GRM8: variants seen among roughly 807,000 people sequenced by gnomAD.
GRM8 encodes the protein glutamate metabotropic receptor 8, also known as metabotropic glutamate receptor 8.
A neutral mutation model predicts 87.2 loss-of-function variants in GRM8; 47 were observed. The observed-to-expected ratio is 0.54, with a 90% confidence interval of 0.43 to 0.69. GRM8 has a LOEUF of 0.69. Among genes scored for constraint, GRM8 ranks in the 30% least tolerant of loss-of-function variants. The pLI is 0.00. For synonymous variants in GRM8, 396 were observed against 404.5 expected (o/e 0.98, Z 0.25); for missense variants, 1,019 against 1,139.2 (o/e 0.89, Z 1.52).
chr7:126,579,963 T>G (rs1472285183), intron 8 of GRM8, among the ~76,000 whole-genome samples: 1 of 152,062 alleles, frequency 6.6e-6, no homozygotes, highest in Non-Finnish European at 1.5e-5. Context: ...AATCAGGATA[T>G]TTGGTAAAAA....
chr7:126,745,392 A>ATATATCATATTATATTATATTATAT (rs1815528801), intron 7 of GRM8, among the ~76,000 whole-genome samples: 1 of 146,176 alleles, frequency 6.8e-6, no homozygotes. Flanking sequence ...AGACATAGTC[A>ATATATCATATTATATTATATTATAT]TATATTATAT....
chr7:127,017,389 A>G (rs1271548210), intron 3 of GRM8, among the ~76,000 whole-genome samples: 1 of 152,000 alleles, frequency 6.6e-6, no homozygotes, highest in Non-Finnish European at 1.5e-5. Context: ...TTGCCATCCC[A>G]CATGTACCAG....
chr7:126,534,017 G>T (rs529804906), intron 8 of GRM8, 130 bp from the exon 9 acceptor site: 1 of 685,178 alleles, frequency 1.5e-6, no homozygotes, highest in East Asian at 2.7e-5. Flanking sequence ...TAAGAGTCTC[G>T]TTTTTTTTCC....
intron 7 of GRM8, among the ~76,000 whole-genome samples, chr7:126,737,484 C>G (rs1814367203): frequency 6.6e-6 from 1 of 152,028 alleles, no homozygotes; most frequent in Non-Finnish European, 1.5e-5. Flanking sequence ...GCACAGCCAG[C>G]TCTGCATGAA....
intron 9 of GRM8, among the ~76,000 whole-genome samples, chr7:126,506,443 T>C (rs1175317881): frequency 1.3e-5 from 2 of 152,072 alleles, no homozygotes; most frequent in Admixed American, 6.6e-5. Flanking sequence ...GAAGGGACTA[T>C]TCTTTCCCAG....
At position 126,533,571 on chromosome 7, in the gene GRM8, G is replaced by A. The variant is rs1160298164; in HGVS notation, c.1811C>T (p.Thr604Ile). ...GIIATTFVIV[T>I]FVRYNDTPIV... ...AGGTGTGTCATTATAGCGGACAAAG[G>A]TCACGATCACAAAGGTGGTGGCGAT... is the stretch of plus-strand genomic sequence containing the variant. The change falls in exon 9 of 11, where the codon ACC (threonine) becomes ATC (isoleucine). Residue 604 changes from threonine to isoleucine, a missense_variant. Thr to Ile is a moderately conservative substitution (Grantham distance 89). Coordinates refer to ENST00000339582, the MANE Select transcript of GRM8 (RefSeq NM_000845.3). 1 of 1,613,944 alleles carries A rather than the reference G, an allele frequency of 6.2e-7. No homozygotes were observed. The highest frequency in any genetic ancestry group is 2.2e-5 in the East Asian group (1 of 44,854).
intron 9 of GRM8, among the ~76,000 whole-genome samples, chr7:126,467,435 C>A (rs1022790490): frequency 4.6e-5 from 7 of 152,100 alleles, no homozygotes; most frequent in Admixed American, 1.3e-4. Flanking sequence ...TCGAAGGCTT[C>A]ATGCTTTTTT....
At chr7:126,695,399 A>G (rs1053222700) in intron 7 of GRM8, among the ~76,000 whole-genome samples, 1 of 152,172 alleles carries the variant, frequency 6.6e-6, no homozygotes, top group African/African-American at 2.4e-5. Context: ...GCTGACCAGG[A>G]AACAGTATCA....
At position 127,050,484 on chromosome 7, in the gene GRM8, T is replaced by C. The variant is rs1413727851; in HGVS notation, c.727+56012A>G. On this transcript the variant is annotated intron_variant, in intron 3 of 10. Transcript: ENST00000339582. ...CTGAATTGTTTATTGCAAAAGATTT[T>C]ATTTCATTGGTCTCTTTTTACTGAA... 2.0e-5 allele frequency among the ~76,000 whole-genome samples: 3 copies of C among 152,320 alleles called. No homozygotes were observed. The East Asian group carries it at 5.8e-4, about 29-fold the overall frequency.
chr7:126,697,928 A>C (rs938927138), intron 7 of GRM8, among the ~76,000 whole-genome samples: 3 of 152,214 alleles, frequency 2.0e-5, no homozygotes, highest in African/African-American at 7.2e-5. Flanking sequence ...TTTTTGCACA[A>C]AACAGTTCTT....
chr7:126,652,160 C>A (rs1244072867), intron 7 of GRM8, among the ~76,000 whole-genome samples: 1 of 152,178 alleles, frequency 6.6e-6, no homozygotes, highest in Non-Finnish European at 1.5e-5. Context: ...TTTCTTTTAA[C>A]ATGTGACATC....
At chr7:126,995,954 C>G (rs1266918357) in intron 3 of GRM8, among the ~76,000 whole-genome samples, 1 of 151,654 alleles carries the variant, frequency 6.6e-6, no homozygotes, top group Non-Finnish European at 1.5e-5. Flanking sequence ...CTAAAAGCAG[C>G]AAGAGAAAAA....
At position 126,470,939 on chromosome 7, in the gene GRM8, C is replaced by T. The variant is rs1211549353; in HGVS notation, c.2431-24567G>A. On this transcript the variant is annotated intron_variant, in intron 9 of 10. Transcript: ENST00000339582. ...TTTTGATTTGCATTTCTCTGATGGC[C>T]AGTGATGATGAGCATTTTTTCATGT... Among the ~76,000 whole-genome samples, 23 of 152,098 alleles carry T rather than the reference C, an allele frequency of 1.5e-4. 1 individual carries two copies. The highest frequency in any genetic ancestry group is 6.2e-4 in the South Asian group (3 of 4,830).
intron 3 of GRM8, among the ~76,000 whole-genome samples, chr7:127,062,795 G>C (rs1820742412): frequency 3.3e-5 from 5 of 152,174 alleles, no homozygotes; most frequent in Admixed American, 3.3e-4. Flanking sequence ...CAGTTTGTGT[G>C]TGTAGAGGTG....
intron 6 of GRM8, among the ~76,000 whole-genome samples, chr7:126,835,073 C>A (rs1795719161): frequency 8.1e-6 from 1 of 124,148 alleles, no homozygotes. Flanking sequence ...AAAACTCTAT[C>A]TCAAAAAAAA....
At chr7:126,871,301 T>G (rs1360016414) in intron 6 of GRM8, among the ~76,000 whole-genome samples, 1 of 152,218 alleles carries the variant, frequency 6.6e-6, no homozygotes, top group Non-Finnish European at 1.5e-5. Context: ...GTTCTGTGTA[T>G]GCATTTTATT....
intron 2 of GRM8, among the ~76,000 whole-genome samples, chr7:127,172,250 C>T (rs983416688): frequency 6.6e-6 from 1 of 152,026 alleles, no homozygotes; most frequent in Admixed American, 6.6e-5. Flanking sequence ...TTATTTATTA[C>T]TGTCATAAAC....
chr7:127,232,088 T>C (rs1296147834), intron 2 of GRM8, among the ~76,000 whole-genome samples: 1 of 152,132 alleles, frequency 6.6e-6, no homozygotes, highest in Non-Finnish European at 1.5e-5. Context: ...CATGAGCTGA[T>C]GAAGTCCTAG....
intron 9 of GRM8, among the ~76,000 whole-genome samples, chr7:126,456,002 AT>A (rs1448747397): frequency 4.6e-5 from 7 of 151,800 alleles, no homozygotes; most frequent in South Asian, 4.1e-4. Flanking sequence ...TGAAAAAAAA[AT>A]AACAAATCCA....
Sources: allele counts gnomAD v4.1 joint callset (sites outside exome capture counted in the v4.1 genomes callset), GRCh38; gene constraint gnomAD v4.1.1; transcripts MANE v1.5; gene names NCBI Gene and HGNC (gene_info 2026-07-23, HGNC 2026-07-21).